The following LDLRAD1 variants were observed in gnomAD, a reference collection of about 807,000 sequenced individuals.
LDLRAD1 encodes the protein low-density lipoprotein receptor class A domain-containing protein 1.
A neutral mutation model predicts 24.8 loss-of-function variants in LDLRAD1; 17 were observed. The ratio of observed to expected loss-of-function variants is 0.69; its 90% CI spans 0.47 to 1.03. The LOEUF (loss-of-function observed/expected upper bound fraction) is 1.03, where lower values mean the gene tolerates loss of function less well. Ranked by LOEUF, LDLRAD1 falls within the 50% of genes least tolerant of loss-of-function variation. LDLRAD1 has a pLI of 0.00. For missense variants in LDLRAD1, 277 were observed against 271.0 expected (o/e 1.02, Z -0.16); for synonymous variants, 103 against 108.2 (o/e 0.95, Z 0.30).
At chr1:54,012,351 C>G in intron 3 of LDLRAD1, 71 bp from the exon 4 acceptor site, 1 of 1,553,390 alleles carries the variant, frequency 6.4e-7, no homozygotes, top group South Asian at 1.1e-5. Flanking sequence ...CTCACCTGAA[C>G]TCCGCCTAGA....
At chr1:54,012,340 C>T (rs1280908118) in intron 3 of LDLRAD1, 60 bp from the exon 4 acceptor site, 1 of 1,583,604 alleles carries the variant, frequency 6.3e-7, no homozygotes, top group Admixed American at 1.7e-5. Context: ...GACAAACCTT[C>T]CTCACCTGAA....
intron 4 of LDLRAD1, 131 bp from the exon 5 acceptor site, chr1:54,010,541 G>T: frequency 1.2e-6 from 1 of 834,600 alleles, no homozygotes; most frequent in Non-Finnish European, 1.9e-6. Flanking sequence ...CCAGAAGGGT[G>T]CAAGCAGAAG....
chr1:54,016,558 C>T (rs1281534872), intron 2 of LDLRAD1, among the ~76,000 whole-genome samples: 4 of 152,210 alleles, frequency 2.6e-5, no homozygotes, highest in Non-Finnish European at 5.9e-5. Context: ...ATTCTTTCCA[C>T]AACCCCGCCC....
At chr1:54,017,292 G>A in intron 2 of LDLRAD1, 84 bp downstream of exon 2, 3 of 1,156,414 alleles carry the variant, frequency 2.6e-6, no homozygotes, top group Non-Finnish European at 3.8e-6. Context: ...TGGGAGCCTT[G>A]AACCCTCCTC....
chr1:54,010,849 GT>G (rs1656021812), intron 4 of LDLRAD1, among the ~76,000 whole-genome samples: 1 of 152,186 alleles, frequency 6.6e-6, no homozygotes, highest in South Asian at 2.1e-4. Flanking sequence ...AAGATCTAGG[GT>G]TCACACACCT....
At chr1:54,012,108 A>G in intron 4 of LDLRAD1, 35 bp downstream of exon 4, 2 of 1,609,288 alleles carry the variant, frequency 1.2e-6, no homozygotes, top group South Asian at 1.1e-5. Flanking sequence ...GTGTGGGGGA[A>G]CCCCTGGGAG....
At chr1:54,013,355 G>A (rs1348928080) in intron 3 of LDLRAD1, among the ~76,000 whole-genome samples, 1 of 152,022 alleles carries the variant, frequency 6.6e-6, no homozygotes, top group Non-Finnish European at 1.5e-5. Flanking sequence ...GGAGCGCTGC[G>A]AATCTCAGCC....
chr1:54,008,897 C>G lies in LDLRAD1; in HGVS notation c.*85G>C. On this transcript the variant is annotated 3_prime_UTR_variant, in exon 6 of 6. Transcript: ENST00000371360. ...ATCCCATTTCAAAGGCTGCTTCCTG[C>G]CCTTGTGCGCTAGGATTTGATTTTC... 1.8e-6 allele frequency: 2 copies of G among 1,136,900 alleles called. No individual in the cohort carries two copies. Among genetic ancestry groups the G allele is most frequent in the Non-Finnish European group, 2.4e-6 (2 of 850,424 alleles). 70.4% of individuals were successfully genotyped at this position (1,136,900 alleles called of 1,614,324 possible). A position where few individuals can be genotyped will look rare whatever the true frequency, so the allele number is the denominator to read the frequency against.
rs376581292 is a variant in LDLRAD1, at chr1:54,012,170, C to G, written c.313G>C (p.Gly105Arg). 6.2e-7 allele frequency: 1 copy of G among 1,614,070 alleles called. No homozygotes were observed. The highest frequency in any genetic ancestry group is 8.5e-7 in the Non-Finnish European group (1 of 1,179,996). The stretch of plus-strand genomic sequence containing the variant: ...CACAAGCTCTCATCCTCGTCCTCGC[C>G]GTGGGTACAGGTGCGAACGCCATCA... ...VCDGVRTCTH[G>R]EDEDESLCRD... The change falls in exon 4 of 6, where the codon GGC becomes CGC. Residue 105 changes from glycine to arginine, a missense_variant. By Grantham distance (125) the Gly-to-Arg change is moderately radical. Coordinates refer to ENST00000371360, the MANE Select transcript of LDLRAD1 (RefSeq NM_001010978.4).
chr1:54,012,076 TATGGATGCCAAGAGCA>T (rs1656075672), intron 4 of LDLRAD1, 51 bp downstream of exon 4: 4 of 1,588,068 alleles, frequency 2.5e-6, no homozygotes, highest in Non-Finnish European at 2.6e-6. Context: ...ATGTGTTCAG[TATGGATGCCAAGAGCA>T]TCGGAGTGTG....
intron 2 of LDLRAD1, among the ~76,000 whole-genome samples, chr1:54,015,801 G>A (rs1470281704): frequency 6.6e-5 from 10 of 151,912 alleles, no homozygotes; most frequent in East Asian, 1.9e-4. Context: ...GATGACAGGC[G>A]CCCGCCACCA....
At chr1:54,012,351 C>T in intron 3 of LDLRAD1, 71 bp from the exon 4 acceptor site, 1 of 1,553,390 alleles carries the variant, frequency 6.4e-7, no homozygotes, top group Non-Finnish European at 8.9e-7. Context: ...CTCACCTGAA[C>T]TCCGCCTAGA....
chr1:54,012,399 C>T, intron 3 of LDLRAD1, 119 bp from the exon 4 acceptor site: 2 of 1,082,736 alleles, frequency 1.8e-6, no homozygotes, highest in South Asian at 1.4e-5. Context: ...GAGGATGGAC[C>T]CAGCGCCATC....
Position 54,009,017 on chromosome 1 carries a change from C to A in LDLRAD1, c.583G>T (p.Asp195Tyr). 6.2e-7 allele frequency: 1 copy of A among 1,613,866 alleles called. No individual in the cohort carries two copies. Among genetic ancestry groups the A allele is most frequent in the South Asian group, 1.1e-5 (1 of 91,050 alleles). Residue 195 changes from aspartate to tyrosine, a missense_variant, in exon 6 of 6, where the codon GAC becomes TAC. Physicochemically the swap from Asp to Tyr is radical, Grantham distance 160. Coordinates refer to ENST00000371360, the MANE Select transcript of LDLRAD1 (RefSeq NM_001010978.4). ...LCRDHVQHCSDWSDEYACPGP is the reference protein window; with the variant it reads ...LCRDHVQHCSYWSDEYACPGP Reference sequence around the variant, plus strand: ...GGACAGGCATACTCATCGGACCAGTCGGAGCAGTGCTGTACATGGTCGCGG... The same window carrying A: ...GGACAGGCATACTCATCGGACCAGTAGGAGCAGTGCTGTACATGGTCGCGG...
Position 54,008,465 on chromosome 1 carries a change from G to A in LDLRAD1, c.*517C>T, listed in dbSNP as rs1057159873. On this transcript the variant is annotated 3_prime_UTR_variant, in exon 6 of 6. Coordinates refer to ENST00000371360, the MANE Select transcript of LDLRAD1 (RefSeq NM_001010978.4). ...GGATCCACAAGTATGCCTTGGAGCA[G>A]TTAGCAGATTTCCTCTGTGTGGCCC... 1 of 153,540 alleles carries A rather than the reference G, an allele frequency of 6.5e-6. No individual in the cohort carries two copies. Among genetic ancestry groups the A allele is most frequent in the African/African-American group, 2.4e-5 (1 of 41,456 alleles). The allele number at this position is 153,540 out of a possible 1,614,324, so 9.5% of individuals were successfully genotyped here. A position where few individuals can be genotyped will look rare whatever the true frequency, so the allele number is the denominator to read the frequency against.
chr1:54,015,540 C>T (rs555723507), intron 2 of LDLRAD1, among the ~76,000 whole-genome samples: 3 of 152,084 alleles, frequency 2.0e-5, no homozygotes, highest in East Asian at 3.9e-4. Context: ...GAGCTACTGA[C>T]GTGCCCAGGC....
At chr1:54,013,022 C>T (rs1449844771) in intron 3 of LDLRAD1, among the ~76,000 whole-genome samples, 1 of 152,118 alleles carries the variant, frequency 6.6e-6, no homozygotes, top group Non-Finnish European at 1.5e-5. Context: ...AACCACCTCT[C>T]AGTCCCTGGG....
Position 54,009,150 on chromosome 1 carries a change from C to A in LDLRAD1, c.470-20G>T. 1 of 1,611,966 alleles carries A rather than the reference C, an allele frequency of 6.2e-7. No individual in the cohort carries two copies. Among genetic ancestry groups the A allele is most frequent in the Non-Finnish European group, 8.5e-7 (1 of 1,179,234 alleles). On this transcript the variant is annotated intron_variant, in intron 5 of 5. Coordinates refer to ENST00000371360, the MANE Select transcript of LDLRAD1 (RefSeq NM_001010978.4). ...CAGTTACTGCAGAGACAAGAGCCAG[C>A]AGGAGAGCAGTTGCTGTGTCCTGGA... is the stretch of plus-strand genomic sequence containing the variant.
chr1:54,014,868 C>G (rs1656233382), intron 2 of LDLRAD1, among the ~76,000 whole-genome samples: 1 of 152,198 alleles, frequency 6.6e-6, no homozygotes, highest in Non-Finnish European at 1.5e-5. Flanking sequence ...TTTCCACGAT[C>G]CCAATTGACT....
Sources: gnomAD v4.1 joint callset for allele counts (sites outside exome capture counted in the v4.1 genomes callset) on GRCh38, gnomAD v4.1.1 for gene constraint, MANE v1.5 for transcripts, NCBI Gene and HGNC (gene_info 2026-07-23, HGNC 2026-07-21) for gene names.